Variants in LDB2 observed in about 807,000 individuals in gnomAD.
LDB2 encodes LIM domain-binding protein 2.
Under a neutral mutation model 44.3 loss-of-function variants are expected in LDB2, and 12 were observed. The observed-to-expected ratio is 0.27, with a 90% CI of 0.17 to 0.44. The LOEUF (loss-of-function observed/expected upper bound fraction) is 0.44. Among genes scored for constraint, LDB2 ranks in the 20% least tolerant of loss-of-function variants. The pLI is 1.00. For synonymous variants in LDB2, 164 were observed against 174.8 expected, an observed-to-expected ratio of 0.94 and a Z score of 0.49; for missense variants, 344 against 473.5, an observed-to-expected ratio of 0.73 and a Z score of 2.54.
At chr4:16,667,559 G>A (rs1050568545) in intron 2 of LDB2, among the ~76,000 whole-genome samples, 1 of 152,160 alleles carries the variant, frequency 6.6e-6, no homozygotes, top group African/African-American at 2.4e-5. Flanking sequence ...AGGAGTCAAA[G>A]AAAAACGCAA....
At chr4:16,674,792 C>T (rs1281680064) in intron 2 of LDB2, among the ~76,000 whole-genome samples, 2 of 151,702 alleles carry the variant, frequency 1.3e-5, no homozygotes, top group Admixed American at 1.3e-4. Flanking sequence ...CGAAAGCACA[C>T]ACACACACAC....
chr4:16,848,863 A>C (rs973032566), intron 1 of LDB2, among the ~76,000 whole-genome samples: 2 of 152,112 alleles, frequency 1.3e-5, no homozygotes, highest in African/African-American at 2.4e-5. Context: ...CCTGTTGACC[A>C]CTGAAAGAGC....
chr4:16,696,384 A>G (rs1752130739), intron 2 of LDB2, among the ~76,000 whole-genome samples: 2 of 152,226 alleles, frequency 1.3e-5, no homozygotes, highest in Admixed American at 6.5e-5. Context: ...TGACGATTAT[A>G]TTAGCCAAAA....
intron 2 of LDB2, among the ~76,000 whole-genome samples, chr4:16,714,186 T>TA (rs1461074603): frequency 6.6e-6 from 1 of 152,198 alleles, no homozygotes; most frequent in East Asian, 1.9e-4. Flanking sequence ...AGGGGTTTTT[T>TA]AAATCTTCAT....
At chr4:16,544,374 G>C (rs1734966028) in intron 5 of LDB2, among the ~76,000 whole-genome samples, 1 of 152,162 alleles carries the variant, frequency 6.6e-6, no homozygotes, top group Non-Finnish European at 1.5e-5. Flanking sequence ...GGTGGCTGAC[G>C]GTGACCAGGC....
chr4:16,763,067 G>A (rs1191727378), intron 1 of LDB2, among the ~76,000 whole-genome samples: 3 of 129,564 alleles, frequency 2.3e-5, no homozygotes, highest in Non-Finnish European at 4.8e-5. Flanking sequence ...GGCACATTAG[G>A]TAACACCACA....
At chr4:16,822,709 T>G (rs903157579) in intron 1 of LDB2, among the ~76,000 whole-genome samples, 10 of 151,916 alleles carry the variant, frequency 6.6e-5, no homozygotes, top group African/African-American at 2.4e-4. Flanking sequence ...AGACACAGGG[T>G]TTCACCATGT....
intron 2 of LDB2, among the ~76,000 whole-genome samples, chr4:16,639,484 G>A (rs186375339): frequency 3.3e-5 from 5 of 152,282 alleles, no homozygotes; most frequent in East Asian, 1.9e-4. Flanking sequence ...TTATTGAGAC[G>A]GAGTTTTGAT....
At chr4:16,549,976 G>A (rs146041044) in intron 5 of LDB2, among the ~76,000 whole-genome samples, 54 of 152,230 alleles carry the variant, frequency 3.5e-4, no homozygotes, top group South Asian at 1.2e-3. Context: ...AGTGTTAGAT[G>A]TGTCCTTCTG....
At chr4:16,532,557 T>G (rs1188732497) in intron 5 of LDB2, among the ~76,000 whole-genome samples, 1 of 152,218 alleles carries the variant, frequency 6.6e-6, no homozygotes, top group Non-Finnish European at 1.5e-5. Flanking sequence ...CACTAGCATA[T>G]TTTCAACTTT....
intron 2 of LDB2, among the ~76,000 whole-genome samples, chr4:16,649,122 T>C (rs1737573799): frequency 6.6e-6 from 1 of 152,252 alleles, no homozygotes; most frequent in Non-Finnish European, 1.5e-5. Flanking sequence ...CACTTCTTTA[T>C]ATCTGCTCTT....
At chr4:16,648,364 T>G (rs969949123) in intron 2 of LDB2, among the ~76,000 whole-genome samples, 2 of 152,346 alleles carry the variant, frequency 1.3e-5, no homozygotes, top group Middle Eastern at 3.4e-3. Context: ...TCTAGCCACT[T>G]CTGCCACAGA....
intron 1 of LDB2, among the ~76,000 whole-genome samples, chr4:16,763,835 C>T (rs1459678208): frequency 6.6e-6 from 1 of 151,850 alleles, no homozygotes; most frequent in African/African-American, 2.4e-5. Context: ...GCTGGATGAC[C>T]TCAGTCAACA....
At chr4:16,635,287 T>TA (rs79898105) in intron 2 of LDB2, among the ~76,000 whole-genome samples, 56 of 145,466 alleles carry the variant, frequency 3.8e-4, no homozygotes, top group Admixed American at 1.4e-3. Context: ...ACTTAAAGTA[T>TA]AAAAAAAAAA....
chr4:16,762,151 A>T (rs910168392), intron 1 of LDB2, among the ~76,000 whole-genome samples: 1 of 152,098 alleles, frequency 6.6e-6, no homozygotes, highest in African/African-American at 2.4e-5. Context: ...AGCCAAGATC[A>T]CCCCACTGCA....
chr4:16,571,359 G>A (rs1434493333), intron 5 of LDB2, among the ~76,000 whole-genome samples: 4 of 152,114 alleles, frequency 2.6e-5, no homozygotes, highest in Non-Finnish European at 4.4e-5. Flanking sequence ...GGGAGTTATC[G>A]TGGAATGAGT....
In LDB2 at chr4:16,663,591, C is replaced by CCGTGAAG. The variant is rs1742202709; in HGVS notation, c.236-67723_236-67717dup. On this transcript the variant is annotated intron_variant, in intron 2 of 7. Coordinates refer to ENST00000304523, the MANE Select transcript of LDB2 (RefSeq NM_001290.5). Reference sequence around the variant, plus strand: ...TTGTTTCAAAGCACAATGCATGTTTCCGTGAAGCTCCTTGAAGGCAAGATG... The same window carrying CCGTGAAG: ...TTGTTTCAAAGCACAATGCATGTTTCCGTGAAGCGTGAAGCTCCTTGAAGGCAAGATG... 2.0e-5 allele frequency among the ~76,000 whole-genome samples: 3 copies of CCGTGAAG among 152,194 alleles called. No homozygotes were observed. The South Asian group carries it at 6.2e-4, about 32-fold the overall frequency.
chr4:16,509,990 C>G (rs986052239), intron 6 of LDB2, among the ~76,000 whole-genome samples: 2 of 152,110 alleles, frequency 1.3e-5, no homozygotes, highest in African/African-American at 4.8e-5. Flanking sequence ...TGATACGCAC[C>G]AGGGGTCCCA....
intron 5 of LDB2, among the ~76,000 whole-genome samples, chr4:16,542,267 T>C (rs1734123857): frequency 6.6e-6 from 1 of 152,096 alleles, no homozygotes; most frequent in African/African-American, 2.4e-5. Flanking sequence ...CAAAGCCTCA[T>C]ATTCAAAAGC....
Sources: allele counts gnomAD v4.1 joint callset (sites outside exome capture counted in the v4.1 genomes callset), GRCh38; gene constraint gnomAD v4.1.1; transcripts MANE v1.5; gene names NCBI Gene and HGNC (gene_info 2026-07-23, HGNC 2026-07-21).